The following LACTB2 variants were observed in gnomAD, a reference collection of about 807,000 sequenced individuals.
LACTB2 encodes lactamase beta 2, also known as endoribonuclease LACTB2.
Under a neutral mutation model 34.8 loss-of-function variants are expected in LACTB2, and 32 were observed. The observed-to-expected ratio is 0.92, with a 90% CI of 0.69 to 1.24. The LOEUF (loss-of-function observed/expected upper bound fraction) is 1.24, where lower values mean the gene tolerates loss of function less well. Among genes scored for constraint, LACTB2 ranks in the 50% most tolerant of loss-of-function variants. The pLI, the probability that LACTB2 is intolerant of heterozygous loss-of-function variation, is 0.00. For missense variants in LACTB2, 320 were observed against 345.0 expected (o/e 0.93, Z 0.57); for synonymous variants, 120 against 117.5 (o/e 1.02, Z -0.14).
At position 70,669,103 on chromosome 8, in the gene LACTB2, C is replaced by A. The variant is rs771622703; in HGVS notation, c.18G>T (p.Gln6His). Residue 6 changes from glutamine (Q) to histidine (H), a missense_variant, in exon 1 of 7, where the codon CAG becomes CAT. Gln to His is a conservative substitution (Grantham distance 24). Transcript: ENST00000276590. Reference sequence around the variant, plus strand: ...CTCGATTGGACAGCCGCTCGACGCGCTGCAGTACAGCAGCCATTCCCGCCT... The same window carrying A: ...CTCGATTGGACAGCCGCTCGACGCGATGCAGTACAGCAGCCATTCCCGCCT... MAAVL[Q>H]RVERLSNRVV... 2.5e-6 allele frequency: 4 copies of A among 1,609,508 alleles called. No individual in the cohort carries two copies. Among genetic ancestry groups the A allele is most frequent in the African/African-American group, 1.3e-5 (1 of 74,894 alleles).
chr8:70,661,880 G>T lies in LACTB2; in HGVS notation c.140C>A (p.Thr47Asn). The T allele has an allele frequency of 6.2e-7, 1 of 1,608,146 alleles. No individual in the cohort carries two copies. Among genetic ancestry groups the T allele is most frequent in the South Asian group, 1.1e-5 (1 of 89,676 alleles). ...GTGPRRILIDTGEPAIPEYIS... is the reference protein window; with the variant it reads ...GTGPRRILIDNGEPAIPEYIS... ...GTATTCTGGAATTGCTGGTTCTCCAGTGTCAATGAGGATTCTCCTGAAAAT... is the reference window on the plus strand; with the variant it reads ...GTATTCTGGAATTGCTGGTTCTCCATTGTCAATGAGGATTCTCCTGAAAAT... The change falls in exon 2 of 7, where the codon ACT becomes AAT. Residue 47 changes from threonine (T) to asparagine (N), a missense_variant. Thr to Asn is a moderately conservative substitution (Grantham distance 65). Coordinates refer to ENST00000276590, the MANE Select transcript of LACTB2 (RefSeq NM_016027.3).
intron 5 of LACTB2, among the ~76,000 whole-genome samples, chr8:70,639,392 T>G (rs1818167194): frequency 6.7e-6 from 1 of 149,038 alleles, no homozygotes; most frequent in Admixed American, 6.7e-5. Context: ...ACTCCTGACC[T>G]CGGGTGATCC....
chr8:70,668,055 C>G (rs1818559421), intron 1 of LACTB2, among the ~76,000 whole-genome samples: 1 of 152,198 alleles, frequency 6.6e-6, no homozygotes, highest in South Asian at 2.1e-4. Flanking sequence ...TTACTCTGAA[C>G]TTAATCTTTT....
intron 4 of LACTB2, among the ~76,000 whole-genome samples, chr8:70,643,208 CTTTTTTTTTTTTTTT>C (rs66482767): frequency 3.5e-4 from 27 of 76,218 alleles, no homozygotes; most frequent in Middle Eastern, 8.3e-3. Flanking sequence ...GTGTATTTTC[CTTTTTTTTTTTTTTT>C]TTTTTTTTTT....
In LACTB2 at chr8:70,669,169, G is replaced by T. The variant is rs897446028; in HGVS notation, c.-49C>A. ...GTGTCGCCTATCTGGATACTCCAGC[G>T]CGGAAGAAGCCAACAGGCCGGGGAT... On this transcript the variant is annotated 5_prime_UTR_variant, in exon 1 of 7. Transcript: ENST00000276590. 15 of 1,598,674 alleles carry T rather than the reference G, an allele frequency of 9.4e-6. No individual in the cohort carries two copies. The highest frequency in any genetic ancestry group is 4.0e-5 in the African/African-American group (3 of 74,378).
chr8:70,644,564 T>C (rs268631), intron 3 of LACTB2, among the ~76,000 whole-genome samples: 136,157 of 152,224 alleles, frequency 0.89, 61,398 homozygotes, highest in Middle Eastern at 0.96. Flanking sequence ...CTCAATCTTC[T>C]GGGCCCAAGT....
At chr8:70,650,796 A>C (rs1818332303) in intron 3 of LACTB2, among the ~76,000 whole-genome samples, 1 of 151,182 alleles carries the variant, frequency 6.6e-6, no homozygotes, top group Non-Finnish European at 1.5e-5. Context: ...AAACTGACAA[A>C]GGTACAAAAA....
chr8:70,651,682 T>G (rs1484462203), intron 3 of LACTB2: 1 of 134,648 alleles, frequency 7.4e-6, no homozygotes, highest in Admixed American at 7.1e-5. Flanking sequence ...AAACAATTTG[T>G]TTTTCTGTGA....
intron 2 of LACTB2, chr8:70,660,391 T>G: frequency 5.6e-6 from 2 of 357,698 alleles, no homozygotes; most frequent in South Asian, 4.3e-5. Flanking sequence ...TCCCCTTAGA[T>G]TGGAAGAAAG....
intron 3 of LACTB2, among the ~76,000 whole-genome samples, chr8:70,647,498 C>A (rs1220535878): frequency 6.6e-6 from 1 of 152,190 alleles, no homozygotes; most frequent in African/African-American, 2.4e-5. Context: ...AGTGATCTGC[C>A]TGCCCTGGCC....
At chr8:70,649,371 G>C (rs1818308878) in intron 3 of LACTB2, among the ~76,000 whole-genome samples, 1 of 152,132 alleles carries the variant, frequency 6.6e-6, no homozygotes, top group South Asian at 2.1e-4. Context: ...TAAATTGAGA[G>C]AATCCATGAT....
intron 1 of LACTB2, among the ~76,000 whole-genome samples, chr8:70,666,739 C>T (rs558118430): frequency 6.5e-4 from 99 of 152,312 alleles, no homozygotes; most frequent in Non-Finnish European, 8.8e-4. Context: ...AACAGATCTT[C>T]ATAATGGCTT....
At chr8:70,665,510 G>C (rs1301322298) in intron 1 of LACTB2, among the ~76,000 whole-genome samples, 1 of 152,322 alleles carries the variant, frequency 6.6e-6, no homozygotes, top group South Asian at 2.1e-4. Flanking sequence ...TATGAGCACA[G>C]TGTTATCTAG....
chr8:70,664,121 G>A (rs73684532), intron 1 of LACTB2, among the ~76,000 whole-genome samples: 11,027 of 152,022 alleles, frequency 0.073, 470 homozygotes, highest in Non-Finnish European at 0.089. Flanking sequence ...TGCCCCTAAC[G>A]TAGAGTCACT....
chr8:70,645,225 C>G (rs999560000), intron 3 of LACTB2, among the ~76,000 whole-genome samples: 1 of 152,184 alleles, frequency 6.6e-6, no homozygotes, highest in Non-Finnish European at 1.5e-5. Context: ...AAGCAATTCT[C>G]CAACTTCAGC....
intron 3 of LACTB2, among the ~76,000 whole-genome samples, chr8:70,647,779 G>T (rs1818281691): frequency 6.6e-6 from 1 of 152,146 alleles, no homozygotes; most frequent in Non-Finnish European, 1.5e-5. Flanking sequence ...TGGAAGGAAG[G>T]TGGCTGAAAT....
chr8:70,640,445 T>C (rs996345186), intron 5 of LACTB2: 2 of 153,164 alleles, frequency 1.3e-5, no homozygotes, highest in African/African-American at 4.8e-5. Flanking sequence ...TCTTTGATTT[T>C]TTTTTTCTTT....
chr8:70,666,959 T>C (rs942154442), intron 1 of LACTB2, among the ~76,000 whole-genome samples: 2 of 152,114 alleles, frequency 1.3e-5, no homozygotes, highest in Non-Finnish European at 2.9e-5. Flanking sequence ...AAGATCAAGT[T>C]TGGAATTTGA....
chr8:70,659,885 G>A (rs1404859940), intron 2 of LACTB2, among the ~76,000 whole-genome samples: 2 of 152,158 alleles, frequency 1.3e-5, no homozygotes, highest in South Asian at 4.1e-4. Flanking sequence ...TGGAATGGAG[G>A]AAGTGTTCCA....
Sources: gnomAD v4.1 joint callset for allele counts (sites outside exome capture counted in the v4.1 genomes callset) on GRCh38, gnomAD v4.1.1 for gene constraint, MANE v1.5 for transcripts, NCBI Gene and HGNC (gene_info 2026-07-23, HGNC 2026-07-21) for gene names.